The following CSMD1 variants were observed in gnomAD, a reference collection of about 807,000 sequenced individuals.
The protein encoded by CSMD1 is CUB and sushi domain-containing protein 1.
CSMD1 carries 213 observed loss-of-function variants against 417.5 expected under a neutral mutation model. The ratio of observed to expected loss-of-function variants is 0.51; its 90% CI spans 0.46 to 0.57. The LOEUF (loss-of-function observed/expected upper bound fraction) is 0.57, where lower values mean the gene tolerates loss of function less well. CSMD1 is among the 20% of genes least tolerant of loss of function. The pLI is 0.00. For missense variants in CSMD1, 6,923 were observed against 4,529.7 expected, an observed-to-expected ratio of 1.53 and a Z score of -15.17; for synonymous variants, 2,862 against 1,736.8, an observed-to-expected ratio of 1.65 and a Z score of -16.11.
At chr8:3,844,897 A>G (rs184907003) in intron 5 of CSMD1, among the ~76,000 whole-genome samples, 5 of 134,754 alleles carry the variant, frequency 3.7e-5, no homozygotes, top group African/African-American at 1.9e-4. Context: ...ATTCTTGTCA[A>G]TATTTGTCTG....
intron 1 of CSMD1, among the ~76,000 whole-genome samples, chr8:4,799,598 CAAAAAAAAAAAA>C (rs1168273531): frequency 1.3e-4 from 6 of 47,170 alleles, no homozygotes; most frequent in East Asian, 1.6e-3. Flanking sequence ...GACTCCGTCT[CAAAAAAAAAAAA>C]AAAAAAAAAA....
At chr8:4,279,049 C>A (rs10503248) in intron 3 of CSMD1, among the ~76,000 whole-genome samples, 1 of 152,128 alleles carries the variant, frequency 6.6e-6, no homozygotes, top group African/African-American at 2.4e-5. Context: ...TTTCCATAAA[C>A]ATCACTCTAC....
chr8:4,259,617 A>G (rs1002212154), intron 3 of CSMD1, among the ~76,000 whole-genome samples: 5 of 152,140 alleles, frequency 3.3e-5, no homozygotes, highest in Non-Finnish European at 7.3e-5. Flanking sequence ...AAACTTTACA[A>G]ATATAGTCGG....
chr8:4,861,167 G>C (rs1011562019), intron 1 of CSMD1, among the ~76,000 whole-genome samples: 1 of 152,108 alleles, frequency 6.6e-6, no homozygotes, highest in African/African-American at 2.4e-5. Context: ...ATAAATGGAA[G>C]TTGATAATAG....
chr8:4,838,134 G>C (rs555095569), intron 1 of CSMD1, among the ~76,000 whole-genome samples: 4 of 151,982 alleles, frequency 2.6e-5, no homozygotes, highest in Admixed American at 6.6e-5. Flanking sequence ...TTTTTTTAAA[G>C]CAAGGGGGAA....
At chr8:4,234,597 G>A (rs1714683) in intron 3 of CSMD1, among the ~76,000 whole-genome samples, 86,563 of 151,992 alleles carry the variant, frequency 0.57, 25,898 homozygotes, top group East Asian at 0.79. Context: ...TTGAGTGTTT[G>A]TATTTACACT....
chr8:3,664,957 A>G (rs941604527), intron 7 of CSMD1, among the ~76,000 whole-genome samples: 1 of 152,140 alleles, frequency 6.6e-6, no homozygotes, highest in Non-Finnish European at 1.5e-5. Context: ...ATTTCAATAC[A>G]TTCTTTAAAA....
At chr8:4,127,391 C>G (rs1802826854) in intron 3 of CSMD1, among the ~76,000 whole-genome samples, 1 of 140,544 alleles carries the variant, frequency 7.1e-6, no homozygotes, top group Non-Finnish European at 1.5e-5. Context: ...AAAAAAATCT[C>G]CAATCTGGAA....
intron 10 of CSMD1, among the ~76,000 whole-genome samples, chr8:3,574,656 C>G (rs981875059): frequency 6.6e-6 from 1 of 152,006 alleles, no homozygotes; most frequent in Non-Finnish European, 1.5e-5. Flanking sequence ...GTGGATGAGA[C>G]CTGAGTTGAA....
chr8:3,767,833 GA>G (rs1363262193), intron 5 of CSMD1, among the ~76,000 whole-genome samples: 5 of 152,108 alleles, frequency 3.3e-5, no homozygotes, highest in African/African-American at 1.2e-4. Context: ...CTTGCGGGTG[GA>G]AATGCCCAGT....
chr8:3,703,365 T>A (rs552428626), intron 7 of CSMD1, among the ~76,000 whole-genome samples: 1 of 151,930 alleles, frequency 6.6e-6, no homozygotes, highest in African/African-American at 2.4e-5. Flanking sequence ...AAAAGACTCA[T>A]CAGATTAGGA....
chr8:3,283,277 A>G (rs1802878500), intron 26 of CSMD1, among the ~76,000 whole-genome samples: 1 of 152,140 alleles, frequency 6.6e-6, no homozygotes. Flanking sequence ...GAGAGACTTC[A>G]TTACATAAAG....
intron 4 of CSMD1, among the ~76,000 whole-genome samples, chr8:4,028,408 G>C (rs948956793): frequency 6.6e-6 from 1 of 152,032 alleles, no homozygotes; most frequent in Non-Finnish European, 1.5e-5. Flanking sequence ...ACTAGCTTGT[G>C]GGGTGGTGGT....
intron 1 of CSMD1, among the ~76,000 whole-genome samples, chr8:4,876,485 G>T (rs1397674881): frequency 2.0e-5 from 3 of 151,998 alleles, no homozygotes; most frequent in African/African-American, 7.3e-5. Context: ...TTAGTTATTG[G>T]AATTAGATTG....
At chr8:2,973,429 C>G (rs1176284541) in intron 56 of CSMD1, 130 bp from the exon 57 acceptor site, 4 of 870,196 alleles carry the variant, frequency 4.6e-6, no homozygotes, top group Middle Eastern at 2.3e-4. Flanking sequence ...ACACAACATT[C>G]TGCAATCTTG....
At chr8:4,870,603 T>C (rs965791024) in intron 1 of CSMD1, among the ~76,000 whole-genome samples, 2 of 152,118 alleles carry the variant, frequency 1.3e-5, no homozygotes, top group Non-Finnish European at 1.5e-5. Flanking sequence ...AAGCTTTCAG[T>C]GTGGATACTT....
At chr8:4,596,637 G>A (rs765914821) in intron 2 of CSMD1, among the ~76,000 whole-genome samples, 3 of 152,040 alleles carry the variant, frequency 2.0e-5, no homozygotes, top group Non-Finnish European at 4.4e-5. Flanking sequence ...TAACTTTGTT[G>A]TTGTTATTTC....
intron 12 of CSMD1, among the ~76,000 whole-genome samples, chr8:3,423,454 T>G (rs148576509): frequency 1.6e-3 from 250 of 152,360 alleles, no homozygotes; most frequent in African/African-American, 5.8e-3. Flanking sequence ...TCTGGTTTCT[T>G]TCACTGAGTG....
At chr8:4,994,277 C>T (rs1811638068) in intron 1 of CSMD1, 55 bp downstream of exon 1, 2 of 1,535,866 alleles carry the variant, frequency 1.3e-6, no homozygotes, top group Admixed American at 1.7e-5. Context: ...CGCGTCCGCA[C>T]ACGGGGCCTC....
Sources: allele counts gnomAD v4.1 joint callset (sites outside exome capture counted in the v4.1 genomes callset), GRCh38; gene constraint gnomAD v4.1.1; transcripts MANE v1.5; gene names NCBI Gene and HGNC (gene_info 2026-07-23, HGNC 2026-07-21).